GSDMC: variants seen among roughly 807,000 people sequenced by gnomAD.
GSDMC encodes the protein gasdermin-C.
In GSDMC, 59 loss-of-function variants were observed where a neutral mutation model predicts 58.0. The observed-to-expected ratio is 1.02, with a 90% confidence interval of 0.82 to 1.26. The LOEUF is 1.26. GSDMC is among the 50% of genes most tolerant of loss of function. GSDMC has a pLI of 0.00. For synonymous variants in GSDMC, 241 were observed against 220.2 expected, an observed-to-expected ratio of 1.09 and a Z score of -0.83; for missense variants, 659 against 598.5, an observed-to-expected ratio of 1.10 and a Z score of -1.06.
chr8:129,753,311 C>T (rs1436050559), intron 6 of GSDMC, among the ~76,000 whole-genome samples: 1 of 152,174 alleles, frequency 6.6e-6, no homozygotes, highest in Non-Finnish European at 1.5e-5. Flanking sequence ...TCACCTCAGC[C>T]ACAGTAGGAC....
downstream of GSDMC, among the ~76,000 whole-genome samples, chr8:129,747,230 C>T (rs1381093976): frequency 2.7e-5 from 4 of 150,258 alleles, no homozygotes; most frequent in African/African-American, 9.9e-5. Context: ...GCATTCCAGC[C>T]TGAGTGACAG....
At chr8:129,713,891 A>T in the GSDMC span, among the ~76,000 whole-genome samples, 2 of 152,164 alleles carry the variant, frequency 1.3e-5, no homozygotes, top group Non-Finnish European at 2.9e-5. Flanking sequence ...GACTAAGAGC[A>T]CACACAGAGC....
the GSDMC span, chr8:129,729,221 C>G: frequency 1.5e-6 from 1 of 645,246 alleles, no homozygotes; most frequent in Non-Finnish European, 3.0e-6. Flanking sequence ...TTTTGAGACC[C>G]TGGAATATTT....
At chr8:129,731,782 A>G in the GSDMC span, among the ~76,000 whole-genome samples, 2 of 152,242 alleles carry the variant, frequency 1.3e-5, no homozygotes, top group Admixed American at 1.3e-4. Context: ...GTTTGACCTT[A>G]TAACTGGAAA....
chr8:129,735,731 A>C, the GSDMC span, among the ~76,000 whole-genome samples: 421 of 152,350 alleles, frequency 2.8e-3, 6 homozygotes, highest in Admixed American at 0.021. Flanking sequence ...ACACCCTAAC[A>C]TCACAATTAA....
the GSDMC span, chr8:129,730,413 T>C: frequency 1.7e-6 from 2 of 1,160,474 alleles, no homozygotes; most frequent in Non-Finnish European, 2.4e-6. Context: ...TGATTATGAA[T>C]CTTTAGTAGA....
chr8:129,757,595 A>AC (rs988517168), intron 6 of GSDMC, among the ~76,000 whole-genome samples: 20 of 146,734 alleles, frequency 1.4e-4, no homozygotes, highest in African/African-American at 4.0e-4. Flanking sequence ...AAGATACATC[A>AC]AAAAAAAAGA....
chr8:129,727,384 C>T, the GSDMC span, among the ~76,000 whole-genome samples: 1 of 152,174 alleles, frequency 6.6e-6, no homozygotes. Flanking sequence ...TTGTGAAGGA[C>T]ATTCCAAATC....
intron 3 of GSDMC, among the ~76,000 whole-genome samples, chr8:129,770,432 G>C (rs2034010344): frequency 6.6e-6 from 1 of 152,168 alleles, no homozygotes; most frequent in African/African-American, 2.4e-5. Context: ...GGAGGCAGAG[G>C]TTGCAGTTAG....
At chr8:129,757,836 A>C (rs541482047) in intron 6 of GSDMC, among the ~76,000 whole-genome samples, 1 of 152,168 alleles carries the variant, frequency 6.6e-6, no homozygotes, top group Non-Finnish European at 1.5e-5. Flanking sequence ...ACAAAAAGAT[A>C]CAAAAATTAG....
chr8:129,762,877 T>C lies in GSDMC; in HGVS notation c.571-146A>G, dbSNP rs183179087. 558 of 571,558 alleles carry C rather than the reference T, an allele frequency of 9.8e-4. 2 individuals carry two copies. Among genetic ancestry groups the C allele is most frequent in the Middle Eastern group, 6.0e-3 (19 of 3,172 alleles). 35.4% of individuals were successfully genotyped at this position (571,558 alleles called of 1,614,324 possible). On this transcript the variant is annotated intron_variant, in intron 4 of 13. Transcript: ENST00000276708. Reference sequence around the variant, plus strand: ...CTTCTGATTTCCAATCACTGCTCTTTCTTCCTTATTTCATCCTGTGCTCAT... The same window carrying C: ...CTTCTGATTTCCAATCACTGCTCTTCCTTCCTTATTTCATCCTGTGCTCAT...
downstream of GSDMC, among the ~76,000 whole-genome samples, chr8:129,744,059 C>G (rs577155784): frequency 4.5e-3 from 348 of 76,852 alleles, 3 homozygotes; most frequent in Non-Finnish European, 2.9e-3. Context: ...TCCCTCTTTC[C>G]TAGAACTCTG....
rs59634816 is a variant in GSDMC, at chr8:129,769,084, AAGGAGAGGAG to A, written c.405-3301_405-3292del. On this transcript the variant is annotated intron_variant, in intron 3 of 13. Transcript: ENST00000276708. ...CAGGGCAAGACCCTGTCACAAAGGA[AAGGAGAGGAG>A]AGGAGAGGAGAGGAGAGGAGAGGAA... is the stretch of plus-strand genomic sequence containing the variant. Among the ~76,000 whole-genome samples, 949 of 145,690 alleles carry A rather than the reference AAGGAGAGGAG, an allele frequency of 6.5e-3. 6 individuals are homozygous for A. Among genetic ancestry groups the A allele is most frequent in the Non-Finnish European group, 8.5e-3 (565 of 66,294 alleles).
Position 129,765,771 on chromosome 8 carries a change from A to G in GSDMC, c.427T>C (p.Ser143Pro). 1 of 1,613,886 alleles carries G rather than the reference A, an allele frequency of 6.2e-7. No individual in the cohort carries two copies. Among genetic ancestry groups the G allele is most frequent in the Non-Finnish European group, 8.5e-7 (1 of 1,179,880 alleles). ...CTCCTCCGGCACTCCTTCAGAAATG[A>G]TGGCTCTGGATCCAACAGTTTCCTG... ...QKRKLLDPEP[S>P]FLKECRRRGD... Residue 143 changes from serine to proline, a missense_variant, in exon 4 of 14, where the codon TCA becomes CCA. Transcript: ENST00000276708.
the GSDMC span, among the ~76,000 whole-genome samples, chr8:129,718,804 T>C: frequency 6.6e-6 from 1 of 152,178 alleles, no homozygotes; most frequent in African/African-American, 2.4e-5. Context: ...AACGATAGAC[T>C]GGATAAAGAA....
At chr8:129,717,675 A>C in the GSDMC span, among the ~76,000 whole-genome samples, 1 of 152,184 alleles carries the variant, frequency 6.6e-6, no homozygotes. Context: ...AACTACTTTA[A>C]ATTTCATATG....
At chr8:129,751,519 G>A (rs1563788249) in intron 10 of GSDMC, 23 bp downstream of exon 10, 4 of 1,604,314 alleles carry the variant, frequency 2.5e-6, no homozygotes, top group Non-Finnish European at 3.4e-6. Context: ...GAAGCCCCAG[G>A]TTCCCCCTTA....
At chr8:129,714,595 T>G in the GSDMC span, among the ~76,000 whole-genome samples, 1 of 152,228 alleles carries the variant, frequency 6.6e-6, no homozygotes, top group Non-Finnish European at 1.5e-5. Context: ...AGTTTCATTT[T>G]GTCCAAATTT....
the GSDMC span, among the ~76,000 whole-genome samples, chr8:129,731,857 G>A: frequency 2.0e-5 from 3 of 152,200 alleles, no homozygotes; most frequent in Admixed American, 2.0e-4. Flanking sequence ...TGGGCACCCT[G>A]TGGCCCAGCC....
Sources: allele counts gnomAD v4.1 joint callset (sites outside exome capture counted in the v4.1 genomes callset), GRCh38; gene constraint gnomAD v4.1.1; transcripts MANE v1.5; gene names NCBI Gene and HGNC (gene_info 2026-07-23, HGNC 2026-07-21).